GATA4: variants seen among roughly 807,000 people sequenced by gnomAD.
GATA4 encodes transcription factor GATA-4.
GATA4 carries 7 observed loss-of-function variants against 37.9 expected under a neutral mutation model. The observed-to-expected ratio is 0.18, with a 90% CI of 0.11 to 0.35. The LOEUF (loss-of-function observed/expected upper bound fraction) is 0.35. Ranked by LOEUF, GATA4 falls within the 10% of genes least tolerant of loss-of-function variation. The pLI, the probability that GATA4 is intolerant of heterozygous loss-of-function variation, is 1.00. For synonymous variants in GATA4, 372 were observed against 292.6 expected (o/e 1.27, Z -2.77); for missense variants, 647 against 653.0 (o/e 0.99, Z 0.10).
intron 2 of GATA4, among the ~76,000 whole-genome samples, chr8:11,721,607 G>C (rs1800681297): frequency 6.6e-6 from 1 of 152,072 alleles, no homozygotes; most frequent in Non-Finnish European, 1.5e-5. Flanking sequence ...GTGTGCTTCG[G>C]CAGCAGGGCA....
intron 2 of GATA4, among the ~76,000 whole-genome samples, chr8:11,747,448 C>T (rs914479809): frequency 4.6e-5 from 7 of 152,180 alleles, no homozygotes; most frequent in South Asian, 2.1e-4. Context: ...GGAGATGCTA[C>T]GCTTATGTGA....
intron 2 of GATA4, among the ~76,000 whole-genome samples, chr8:11,724,406 C>T (rs1049271193): frequency 1.1e-4 from 17 of 152,330 alleles, no homozygotes; most frequent in African/African-American, 3.6e-4. Flanking sequence ...CCAGAGACTG[C>T]ACCATTTTAT....
exon 1 of GATA4, chr8:11,692,628 C>A: frequency 1.0e-6 from 1 of 985,188 alleles, no homozygotes; most frequent in African/African-American, 1.7e-5. Context: ...TGGGGACCCG[C>A]GGCCTCTGCG....
intron 2 of GATA4, among the ~76,000 whole-genome samples, chr8:11,719,524 T>G (rs1411165935): frequency 6.6e-6 from 1 of 152,182 alleles, no homozygotes; most frequent in African/African-American, 2.4e-5. Context: ...AACTTCTTTA[T>G]TTTATGAAAC....
chr8:11,681,156 C>G, intron 1 of GATA4: 1 of 985,268 alleles, frequency 1.0e-6, no homozygotes, highest in Non-Finnish European at 1.2e-6. Flanking sequence ...CAGCTCCGTT[C>G]TGTTCGCAGA....
At chr8:11,755,505 G>A (rs1802513642) in intron 5 of GATA4, among the ~76,000 whole-genome samples, 1 of 152,158 alleles carries the variant, frequency 6.6e-6, no homozygotes, top group South Asian at 2.1e-4. Context: ...GGGCTAACGG[G>A]GATCCAGGAG....
chr8:11,756,242 A>T (rs538611174), intron 5 of GATA4, among the ~76,000 whole-genome samples: 28 of 152,316 alleles, frequency 1.8e-4, no homozygotes, highest in Admixed American at 4.6e-4. Context: ...CAAGAACATG[A>T]TCAAAGTTCT....
chr8:11,680,954 C>A, intron 1 of GATA4: 8 of 984,978 alleles, frequency 8.1e-6, no homozygotes, highest in Non-Finnish European at 9.6e-6. Flanking sequence ...CTGTGTCCCC[C>A]AGGTTAGGCT....
At chr8:11,679,099 G>A (rs2129914040) in intron 1 of GATA4, among the ~76,000 whole-genome samples, 2 of 151,154 alleles carry the variant, frequency 1.3e-5, no homozygotes, top group African/African-American at 4.8e-5. Flanking sequence ...AGAGGTTTTA[G>A]GGTTAAATTC....
chr8:11,702,410 C>A (rs1187507676), upstream of GATA4, among the ~76,000 whole-genome samples: 1 of 151,914 alleles, frequency 6.6e-6, no homozygotes, highest in Non-Finnish European at 1.5e-5. This position sits in a 1 kb window ranked among gnomAD's most constrained non-coding sequence, Gnocchi z 4.4. Context: ...AGATTTTCCA[C>A]TCTCCAGGAA....
intron 2 of GATA4, among the ~76,000 whole-genome samples, chr8:11,719,883 ATAATT>A (rs1490553247): frequency 6.6e-6 from 1 of 152,212 alleles, no homozygotes; most frequent in Admixed American, 6.5e-5. Context: ...CTTATGGTAT[ATAATT>A]TATAGCCACT....
intron 5 of GATA4, among the ~76,000 whole-genome samples, chr8:11,755,909 T>A (rs1308358177): frequency 5.6e-5 from 8 of 143,818 alleles, no homozygotes; most frequent in African/African-American, 1.0e-4. Flanking sequence ...ACCCTGTCTT[T>A]AAAAAAAAAA....
chr8:11,724,236 C>T (rs1435355070), intron 2 of GATA4, among the ~76,000 whole-genome samples: 2 of 152,116 alleles, frequency 1.3e-5, no homozygotes, highest in South Asian at 2.1e-4. Flanking sequence ...TGGGTTGCGT[C>T]TGCCCATTGA....
At chr8:11,697,253 C>T (rs1258293736) in intron 1 of GATA4, among the ~76,000 whole-genome samples, 1 of 152,240 alleles carries the variant, frequency 6.6e-6, no homozygotes, top group African/African-American at 2.4e-5. Context: ...GTCAAACACA[C>T]GCACAGGACT....
chr8:11,683,174 C>T, intron 1 of GATA4: 1 of 939,866 alleles, frequency 1.1e-6, no homozygotes, highest in Non-Finnish European at 1.3e-6. Flanking sequence ...GCTATCTAAT[C>T]TGGACAGCAG....
chr8:11,692,822 G>A (rs1175894632), intron 1 of GATA4: 1 of 982,098 alleles, frequency 1.0e-6, no homozygotes, highest in Non-Finnish European at 1.2e-6. Context: ...GCGCCAGGCC[G>A]GGCAGAGGCG....
At chr8:11,730,366 G>A (rs184768104) in intron 2 of GATA4, among the ~76,000 whole-genome samples, 1 of 152,356 alleles carries the variant, frequency 6.6e-6, no homozygotes, top group East Asian at 1.9e-4. Flanking sequence ...ACACCTCTTA[G>A]ATCTATGGGC....
At chr8:11,737,941 G>T (rs1389206012) in intron 2 of GATA4, among the ~76,000 whole-genome samples, 2 of 152,116 alleles carry the variant, frequency 1.3e-5, no homozygotes, top group African/African-American at 4.8e-5. Context: ...AGTGCTTTGG[G>T]AGCCCGAGCC....
intron 1 of GATA4, chr8:11,681,423 G>T (rs894812644): frequency 5.1e-6 from 5 of 985,012 alleles, no homozygotes; most frequent in Non-Finnish European, 6.0e-6. Context: ...CAACTCGGGG[G>T]CCGTAGCTAC....
Sources: gnomAD v4.1 joint callset for allele counts (sites outside exome capture counted in the v4.1 genomes callset) on GRCh38, gnomAD v4.1.1 for gene constraint, Gnocchi (gnomAD v3.1) non-coding constraint, MANE v1.5 for transcripts, NCBI Gene and HGNC (gene_info 2026-07-23, HGNC 2026-07-21) for gene names.